Variants in EFCAB6 observed in about 807,000 individuals in gnomAD.
EFCAB6 encodes the protein EF-hand calcium-binding domain-containing protein 6.
A neutral mutation model predicts 169.8 loss-of-function variants in EFCAB6; 156 were observed. That is an observed-to-expected ratio of 0.92 (90% CI 0.81 to 1.05). EFCAB6 has a LOEUF of 1.05. Ranked by LOEUF, EFCAB6 falls within the 50% of genes least tolerant of loss-of-function variation. The pLI, the probability that EFCAB6 is intolerant of heterozygous loss-of-function variation, is 0.00. For missense variants in EFCAB6, 1,800 were observed against 1,829.1 expected (o/e 0.98, Z 0.29); for synonymous variants, 698 against 676.4 (o/e 1.03, Z -0.50).
Position 43,580,596 on chromosome 22 carries a change from G to T in EFCAB6, c.3096C>A (p.Asn1032Lys), listed in dbSNP as rs768945656. Reference sequence around the variant, plus strand: ...TGGGCTGAGCTCCTGTTGACTTGCTGTTCTCCACTGCTCTCAGGAAGTCGA... The same window carrying T: ...TGGGCTGAGCTCCTGTTGACTTGCTTTTCTCCACTGCTCTCAGGAAGTCGA... ...NYLDFLRAVENSKSTGAQPKE... is the reference protein window; with the variant it reads ...NYLDFLRAVEKSKSTGAQPKE... The change falls in exon 25 of 32, where the codon AAC (asparagine) becomes AAA (lysine). Residue 1032 changes from asparagine (N) to lysine (K), a missense_variant. Transcript: ENST00000262726. The T allele has an allele frequency of 6.2e-7, 1 of 1,614,108 alleles. No homozygotes were observed. The highest frequency in any genetic ancestry group is 1.1e-5 in the South Asian group (1 of 91,078).
intron 2 of EFCAB6, among the ~76,000 whole-genome samples, chr22:43,797,947 G>A (rs2062571033): frequency 6.6e-6 from 1 of 152,124 alleles, no homozygotes; most frequent in Non-Finnish European, 1.5e-5. Flanking sequence ...GCCCCTCTCT[G>A]ACTAATGAAT....
chr22:43,675,202 T>C (rs2057671325), intron 13 of EFCAB6, among the ~76,000 whole-genome samples: 1 of 145,832 alleles, frequency 6.9e-6, no homozygotes, highest in African/African-American at 2.5e-5. Flanking sequence ...ATTTGTAATA[T>C]ATAATATATA....
chr22:43,721,325 G>A (rs1248421403), intron 8 of EFCAB6, among the ~76,000 whole-genome samples: 4 of 152,102 alleles, frequency 2.6e-5, no homozygotes, highest in Admixed American at 6.6e-5. Flanking sequence ...CAGATTCCAC[G>A]CAGTTCCAAT....
At chr22:43,577,999 A>G (rs1301776166) in intron 25 of EFCAB6, among the ~76,000 whole-genome samples, 3 of 152,118 alleles carry the variant, frequency 2.0e-5, no homozygotes, top group African/African-American at 7.2e-5. Flanking sequence ...AAGTCATGAC[A>G]CTAACTAAGG....
intron 7 of EFCAB6, among the ~76,000 whole-genome samples, chr22:43,733,741 G>A (rs1165761902): frequency 2.6e-5 from 4 of 151,972 alleles, no homozygotes; most frequent in African/African-American, 9.7e-5. Flanking sequence ...ATGGAGTCTC[G>A]CTCTGTTGCC....
intron 12 of EFCAB6, among the ~76,000 whole-genome samples, chr22:43,679,714 T>A (rs915545538): frequency 6.6e-6 from 1 of 152,190 alleles, no homozygotes; most frequent in African/African-American, 2.4e-5. Context: ...GCTTTGAGTT[T>A]CTCTAGTGAT....
At position 43,580,676 on chromosome 22, in the gene EFCAB6, G is replaced by T; in HGVS notation, c.3033-17C>A. On this transcript the variant is annotated splice_polypyrimidine_tract_variant and intron_variant, in intron 24 of 31. Transcript: ENST00000262726. The stretch of plus-strand genomic sequence containing the variant: ...ACTCCCCAACTTGTCCCAAAAGGAA[G>T]AAAAGAACATATTCATTTTAAAAAG... 1 of 1,612,224 alleles carries T rather than the reference G, an allele frequency of 6.2e-7. No individual in the cohort carries two copies. Among genetic ancestry groups the T allele is most frequent in the Non-Finnish European group, 8.5e-7 (1 of 1,179,340 alleles).
At chr22:43,759,979 C>G (rs999667718) in intron 5 of EFCAB6, 3 of 151,974 alleles carry the variant, frequency 2.0e-5, no homozygotes, top group Non-Finnish European at 4.4e-5. Flanking sequence ...CTGAGGTGGG[C>G]GCATCACCTG....
chr22:43,705,701 T>C (rs533106291), intron 10 of EFCAB6, among the ~76,000 whole-genome samples: 1 of 151,852 alleles, frequency 6.6e-6, no homozygotes, highest in Admixed American at 6.6e-5. Context: ...CAAACGAAAG[T>C]GGAAGCACAA....
intron 13 of EFCAB6, among the ~76,000 whole-genome samples, chr22:43,675,872 A>G (rs2057735133): frequency 6.6e-6 from 1 of 151,582 alleles, no homozygotes; most frequent in South Asian, 2.1e-4. Flanking sequence ...GTTTTGGGCC[A>G]GTATTTCTAC....
At chr22:43,710,365 T>C (rs374874623) in intron 10 of EFCAB6, among the ~76,000 whole-genome samples, 5 of 152,168 alleles carry the variant, frequency 3.3e-5, no homozygotes, top group African/African-American at 9.7e-5. Flanking sequence ...ATGGAACAAA[T>C]TGAGTATCAA....
Position 43,554,230 on chromosome 22 carries a change from GTCC to G in EFCAB6, c.3648+636_3648+638del, listed in dbSNP as rs202017716. ...CTTTGTTCATGGTCCAGAACACGTA[GTCC>G]TCCTGCACAAATAACAACCTTCCTG... On this transcript the variant is annotated intron_variant, in intron 27 of 31. Transcript: ENST00000262726. 542 of 153,038 alleles carry G rather than the reference GTCC, an allele frequency of 3.5e-3. 2 individuals are homozygous for G. Among genetic ancestry groups the G allele is most frequent in the Middle Eastern group, 0.014 (4 of 294 alleles). The allele number at this position is 153,038 out of a possible 1,614,324, so 9.5% of individuals were successfully genotyped here. A position where few individuals can be genotyped will look rare whatever the true frequency, so the allele number is the denominator to read the frequency against.
At chr22:43,671,388 G>A (rs1299457968) in intron 15 of EFCAB6, among the ~76,000 whole-genome samples, 4 of 152,036 alleles carry the variant, frequency 2.6e-5, no homozygotes, top group Non-Finnish European at 5.9e-5. Context: ...TTTTAGTAGA[G>A]ATGGGGTTTC....
chr22:43,809,700 C>T (rs1273409444), intron 1 of EFCAB6, among the ~76,000 whole-genome samples: 1 of 151,998 alleles, frequency 6.6e-6, no homozygotes, highest in Non-Finnish European at 1.5e-5. Context: ...CTCCACCTCC[C>T]AGGTTCAAGA....
intron 6 of EFCAB6, among the ~76,000 whole-genome samples, chr22:43,736,652 T>C (rs1432553342): frequency 6.6e-6 from 1 of 150,744 alleles, no homozygotes; most frequent in Non-Finnish European, 1.5e-5. Flanking sequence ...ACGCACACAA[T>C]GTTAGGATAG....
At chr22:43,697,823 CAG>C (rs1306048694) in intron 10 of EFCAB6, among the ~76,000 whole-genome samples, 5 of 152,112 alleles carry the variant, frequency 3.3e-5, no homozygotes, top group African/African-American at 1.2e-4. Flanking sequence ...ACTTCACGTA[CAG>C]AGAGGGCAGA....
intron 11 of EFCAB6, among the ~76,000 whole-genome samples, chr22:43,686,259 CGT>C (rs1482687559): frequency 6.6e-6 from 1 of 152,098 alleles, no homozygotes; most frequent in Non-Finnish European, 1.5e-5. Context: ...GGATTATAGG[CGT>C]GAGTCACCGT....
intron 22 of EFCAB6, among the ~76,000 whole-genome samples, chr22:43,601,792 G>T (rs892008242): frequency 6.6e-6 from 1 of 152,214 alleles, no homozygotes. Flanking sequence ...AGGCTCTCAG[G>T]AGTTGGAGGA....
At chr22:43,643,594 C>T (rs1222683220) in intron 17 of EFCAB6, among the ~76,000 whole-genome samples, 1 of 152,226 alleles carries the variant, frequency 6.6e-6, no homozygotes, top group Non-Finnish European at 1.5e-5. Flanking sequence ...GTACAAACAG[C>T]ACATGATGCT....
Sources: gnomAD v4.1 joint callset for allele counts (sites outside exome capture counted in the v4.1 genomes callset) on GRCh38, gnomAD v4.1.1 for gene constraint, MANE v1.5 for transcripts, NCBI Gene and HGNC (gene_info 2026-07-23, HGNC 2026-07-21) for gene names.